NVL: variants seen among roughly 807,000 people sequenced by gnomAD.
NVL encodes nuclear VCP like, also known as nuclear valosin-containing protein-like.
A neutral mutation model predicts 110.2 loss-of-function variants in NVL; 84 were observed. That is an observed-to-expected ratio of 0.76 (90% confidence interval 0.64 to 0.91). The LOEUF is 0.91. Among genes scored for constraint, NVL ranks in the 40% least tolerant of loss-of-function variants. The pLI, the probability that NVL is intolerant of heterozygous loss-of-function variation, is 0.00. For synonymous variants in NVL, 354 were observed against 361.1 expected (o/e 0.98, Z 0.22); for missense variants, 882 against 1,035.9 (o/e 0.85, Z 2.04).
intron 11 of NVL, among the ~76,000 whole-genome samples, chr1:224,294,754 G>A (rs1667715890): frequency 6.6e-6 from 1 of 152,146 alleles, no homozygotes; most frequent in African/African-American, 2.4e-5. Flanking sequence ...ATAAGGGAGG[G>A]TTCATGGAGG....
At chr1:224,250,355 C>T (rs1164835591) in intron 18 of NVL, 37 bp from the exon 19 acceptor site, 1 of 1,489,622 alleles carries the variant, frequency 6.7e-7, no homozygotes, top group Non-Finnish European at 9.0e-7. Context: ...TTAAATAAAA[C>T]CTTTTATTTT....
At chr1:224,328,219 C>T (rs1270230697) in intron 1 of NVL, among the ~76,000 whole-genome samples, 1 of 152,260 alleles carries the variant, frequency 6.6e-6, no homozygotes, top group East Asian at 1.9e-4. Context: ...TATCCCTCCC[C>T]TAGCCCGATT....
chr1:224,318,609 T>C (rs1165226099), intron 2 of NVL, among the ~76,000 whole-genome samples: 1 of 151,508 alleles, frequency 6.6e-6, no homozygotes, highest in Non-Finnish European at 1.5e-5. Flanking sequence ...TCAAAAAAAA[T>C]AATAAATTAA....
intron 18 of NVL, among the ~76,000 whole-genome samples, chr1:224,251,766 C>G (rs186744229): frequency 6.8e-4 from 103 of 152,256 alleles, no homozygotes; most frequent in Admixed American, 1.2e-3. Context: ...ACCACTCCAC[C>G]CCACCCTACC....
chr1:224,230,263 A>C (rs1174161585), intron 22 of NVL, among the ~76,000 whole-genome samples: 3 of 152,204 alleles, frequency 2.0e-5, no homozygotes, highest in African/African-American at 7.2e-5. Context: ...GCCATTTATC[A>C]AAAAGCGTAG....
chr1:224,259,646 G>T (rs549464343), intron 18 of NVL, among the ~76,000 whole-genome samples: 1 of 151,496 alleles, frequency 6.6e-6, no homozygotes, highest in Non-Finnish European at 1.5e-5. Context: ...ATAATAATAA[G>T]AATGATGTTT....
At chr1:224,235,543 G>A (rs1275065095) in intron 20 of NVL, among the ~76,000 whole-genome samples, 1 of 152,008 alleles carries the variant, frequency 6.6e-6, no homozygotes, top group Non-Finnish European at 1.5e-5. Flanking sequence ...AGGGGAGGTA[G>A]AGGCATTTAC....
intron 18 of NVL, among the ~76,000 whole-genome samples, chr1:224,261,409 AAGATAT>A (rs1663971753): frequency 6.6e-6 from 1 of 152,214 alleles, no homozygotes; most frequent in Non-Finnish European, 1.5e-5. Flanking sequence ...AGAAAGTAAT[AAGATAT>A]TTGGGTTTCA....
rs767182494 is a variant in NVL at position 224,305,068 on chromosome 1, T to C, written c.714A>G (p.Val238=). 6.2e-7 allele frequency: 1 copy of C among 1,613,866 alleles called. No homozygotes were observed. Among genetic ancestry groups the C allele is most frequent in the South Asian group, 1.1e-5 (1 of 91,022 alleles). The change falls in exon 7 of 23, where the codon GTA becomes GTG. Residue 238 remains valine (V), a synonymous_variant. Transcript: ENST00000281701. ...SKRKKEDLQE[V]DGEIEAVLQK... The stretch of plus-strand genomic sequence containing the variant: ...GCAGGACAGCTTCAATTTCTCCATC[T>C]ACTTCCTGAAGATCTTCTTTCTTCC...
chr1:224,318,949 A>T (rs1032650710), intron 2 of NVL, among the ~76,000 whole-genome samples: 1 of 151,150 alleles, frequency 6.6e-6, no homozygotes, highest in African/African-American at 2.4e-5. Context: ...AGATCGTGCC[A>T]CTGCACTCCA....
chr1:224,268,968 G>C (rs1413612791), intron 17 of NVL, among the ~76,000 whole-genome samples: 1 of 151,526 alleles, frequency 6.6e-6, no homozygotes, highest in Admixed American at 6.6e-5. Flanking sequence ...CCTAGACTAA[G>C]CTTTTGAACC....
At chr1:224,228,753 C>A (rs1359443794) in intron 22 of NVL, among the ~76,000 whole-genome samples, 1 of 148,110 alleles carries the variant, frequency 6.8e-6, no homozygotes, top group African/African-American at 2.5e-5. Context: ...TCCTGGCTAA[C>A]ATGGTGAAAC....
At chr1:224,240,010 G>C (rs1660986905) in intron 19 of NVL, among the ~76,000 whole-genome samples, 1 of 151,028 alleles carries the variant, frequency 6.6e-6, no homozygotes, top group Non-Finnish European at 1.5e-5. Context: ...CGATTCTCCT[G>C]CCTCAGCCCC....
At chr1:224,306,713 T>C (rs566448359) in intron 6 of NVL, among the ~76,000 whole-genome samples, 19 of 152,086 alleles carry the variant, frequency 1.2e-4, no homozygotes, top group African/African-American at 4.6e-4. Flanking sequence ...GCACCTGTAG[T>C]CCCCAGCTAC....
At position 224,227,570 on chromosome 1, in the gene NVL, G is replaced by T; in HGVS notation, c.*56C>A. The T allele has an allele frequency of 6.5e-7, 1 of 1,546,268 alleles. No homozygotes were observed. Among genetic ancestry groups the T allele is most frequent in the South Asian group, 1.1e-5 (1 of 87,576 alleles). Reference sequence around the variant, plus strand: ...TGAAAGTGGGTCCTTCAGAGCGTGTGGGGGATTCTCTGCCGGCTTGATGGG... The same window carrying T: ...TGAAAGTGGGTCCTTCAGAGCGTGTTGGGGATTCTCTGCCGGCTTGATGGG... On this transcript the variant is annotated 3_prime_UTR_variant, in exon 23 of 23. Transcript: ENST00000281701.
chr1:224,277,648 A>T (rs923171117), intron 16 of NVL, among the ~76,000 whole-genome samples: 1 of 152,250 alleles, frequency 6.6e-6, no homozygotes, highest in African/African-American at 2.4e-5. Context: ...TATTTGAAAC[A>T]TATGCAACAT....
At position 224,257,146 on chromosome 1, in the gene NVL, T is replaced by C. The variant is rs151273621; in HGVS notation, c.2183-6828A>G. The C allele has an allele frequency of 1.7e-5, 9 of 514,784 alleles. No homozygotes were observed. In the East Asian group the frequency reaches 4.4e-4, roughly 25 times the overall value. 31.9% of individuals were successfully genotyped at this position (514,784 alleles called of 1,614,324 possible). On this transcript the variant is annotated intron_variant, in intron 18 of 22. Transcript: ENST00000281701. ...GGTAGAAGACAAAAAATAACAATTC[T>C]GATATTTACAATAAAAATGGCACTA...
intron 18 of NVL, among the ~76,000 whole-genome samples, chr1:224,260,435 T>C (rs1421178523): frequency 6.6e-6 from 1 of 152,066 alleles, no homozygotes; most frequent in African/African-American, 2.4e-5. Flanking sequence ...ATTTTTGTAT[T>C]TTCAGTAGAG....
At position 224,330,169 on chromosome 1, in the gene NVL, A is replaced by C; in HGVS notation, c.-42T>G. The C allele has an allele frequency of 6.2e-7, 1 of 1,607,944 alleles. No homozygotes were observed. On this transcript the variant is annotated 5_prime_UTR_variant, in exon 1 of 23. Transcript: ENST00000281701. ...GCCACAGCTCGGACCGCCAGCTCCTAGTCAACCGGGGGCCTCGTAGGGGTT... is the reference window on the plus strand; with the variant it reads ...GCCACAGCTCGGACCGCCAGCTCCTCGTCAACCGGGGGCCTCGTAGGGGTT...
Sources: gnomAD v4.1 joint callset for allele counts (sites outside exome capture counted in the v4.1 genomes callset) on GRCh38, gnomAD v4.1.1 for gene constraint, MANE v1.5 for transcripts, NCBI Gene and HGNC (gene_info 2026-07-23, HGNC 2026-07-21) for gene names.